Variants in CPNE2 observed in about 807,000 individuals in gnomAD.
CPNE2 encodes copine-2.
A neutral mutation model predicts 69.7 loss-of-function variants in CPNE2; 42 were observed. That is an observed-to-expected ratio of 0.60 (90% CI 0.47 to 0.78). CPNE2 has a LOEUF of 0.78. CPNE2 is among the 30% of genes least tolerant of loss of function. CPNE2 has a pLI of 0.00. For synonymous variants in CPNE2, 294 were observed against 289.8 expected (o/e 1.01, Z -0.15); for missense variants, 587 against 732.0 (o/e 0.80, Z 2.29).
chr16:57,141,362 G>C (rs1012365890), intron 14 of CPNE2: 1 of 152,304 alleles, frequency 6.6e-6, no homozygotes, highest in East Asian at 1.9e-4. Context: ...CTTTTGCTGC[G>C]ACTTGGTCCT....
intron 10 of CPNE2, 78 bp from the exon 11 acceptor site, chr16:57,125,782 C>T: frequency 1.9e-6 from 3 of 1,567,444 alleles, no homozygotes; most frequent in Non-Finnish European, 2.6e-6. Context: ...GTCCCATCTA[C>T]CTCTCCTATT....
rs2069961879 is a variant in CPNE2, at chr16:57,146,804, G to GT, written c.1539+483_1539+484insT. The GT allele has an allele frequency of 6.0e-6, 1 of 167,798 alleles. No individual in the cohort carries two copies. Among genetic ancestry groups the GT allele is most frequent in the Non-Finnish European group, 1.3e-5 (1 of 77,004 alleles). The allele number at this position is 167,798 out of a possible 1,614,324, so 10.4% of individuals were successfully genotyped here. On this transcript the variant is annotated intron_variant, in intron 15 of 15. Coordinates refer to ENST00000290776, the MANE Select transcript of CPNE2 (RefSeq NM_152727.6). The surrounding 1 kb of genome is among the most constrained non-coding windows in gnomAD (Gnocchi z 4.4). Reference sequence around the variant, plus strand: ...GAATGGTGTCCCCAGCCTTGTTCCTGGAAGTGGCTCTGGCTTTATTTGCAG... The same window carrying GT: ...GAATGGTGTCCCCAGCCTTGTTCCTGTGAAGTGGCTCTGGCTTTATTTGCAG...
At chr16:57,113,056 T>G in intron 2 of CPNE2, 1 of 458,742 alleles carries the variant, frequency 2.2e-6, no homozygotes, top group Non-Finnish European at 3.9e-6. Flanking sequence ...CAGACCTCGG[T>G]TTCAAATCTC....
rs533838364 is a variant in CPNE2, at chr16:57,146,001, G to C, written c.1303-84G>C. On this transcript the variant is annotated intron_variant, in intron 14 of 15. Coordinates refer to ENST00000290776, the MANE Select transcript of CPNE2 (RefSeq NM_152727.6). This position sits in a 1 kb window ranked among gnomAD's most constrained non-coding sequence, Gnocchi z 4.4. Reference sequence around the variant, plus strand: ...GATGCACTGCCTTCCTCCAGGACTCGGAGGGTTTGGGATGAAGGAGGGAGG... The same window carrying C: ...GATGCACTGCCTTCCTCCAGGACTCCGAGGGTTTGGGATGAAGGAGGGAGG... 11 of 1,187,854 alleles carry C rather than the reference G, an allele frequency of 9.3e-6. No homozygotes were observed. Among genetic ancestry groups the C allele is most frequent in the Admixed American group, 4.0e-5 (2 of 50,432 alleles). The allele number at this position is 1,187,854 out of a possible 1,614,324, so 73.6% of individuals were successfully genotyped here. A position where few individuals can be genotyped will look rare whatever the true frequency, so the allele number is the denominator to read the frequency against.
intron 5 of CPNE2, 28 bp downstream of exon 5, chr16:57,117,595 T>C (rs751286329): frequency 1.7e-5 from 28 of 1,609,538 alleles, no homozygotes; most frequent in Non-Finnish European, 2.1e-5. Flanking sequence ...AGGGCTCCCA[T>C]TGGGAACAGT....
intron 1 of CPNE2, among the ~76,000 whole-genome samples, chr16:57,097,418 G>A (rs2069584592): frequency 6.6e-6 from 1 of 152,190 alleles, no homozygotes; most frequent in Non-Finnish European, 1.5e-5. Flanking sequence ...GGTGAGGGAA[G>A]CTCTCCTGGA....
chr16:57,093,815 G>A (rs1372636151), intron 1 of CPNE2: 1 of 329,110 alleles, frequency 3.0e-6, no homozygotes, highest in Non-Finnish European at 6.0e-6. Context: ...GGCATCCACA[G>A]CTTCACGGAC....
intron 4 of CPNE2, 142 bp from the exon 5 acceptor site, chr16:57,117,352 CAA>C (rs748875050): frequency 8.3e-6 from 6 of 720,350 alleles, no homozygotes; most frequent in South Asian, 5.5e-5. Flanking sequence ...GTGGGGAAGA[CAA>C]GAGATTTGTC....
At chr16:57,122,801 C>A (rs1567669589) in intron 9 of CPNE2, among the ~76,000 whole-genome samples, 1 of 152,048 alleles carries the variant, frequency 6.6e-6, no homozygotes, top group East Asian at 1.9e-4. Context: ...TTATGTCGAC[C>A]AGGCTGGTCT....
chr16:57,135,280 CA>C (rs57393101), intron 13 of CPNE2, among the ~76,000 whole-genome samples: 48,800 of 151,928 alleles, frequency 0.32, 8,222 homozygotes, highest in South Asian at 0.59. Context: ...GGCGGGGGAT[CA>C]GGGGGAGGCA....
chr16:57,095,311 G>A (rs2069571507), intron 1 of CPNE2, among the ~76,000 whole-genome samples: 1 of 152,212 alleles, frequency 6.6e-6, no homozygotes, highest in African/African-American at 2.4e-5. Context: ...GTCCCACAGT[G>A]CCTGAGGACA....
At chr16:57,145,626 C>A (rs1194577235) in intron 14 of CPNE2, 8 of 210,570 alleles carry the variant, frequency 3.8e-5, no homozygotes, top group Non-Finnish European at 5.8e-5. Flanking sequence ...AGATGAGTCC[C>A]CCTGCGCCAG....
chr16:57,119,608 C>T lies in CPNE2; in HGVS notation c.639C>T (p.Pro213=). The T allele has an allele frequency of 1.9e-6, 3 of 1,613,034 alleles. No homozygotes were observed. The highest frequency in any genetic ancestry group is 1.7e-4 in the Middle Eastern group (1 of 6,054). The change falls in exon 7 of 16, where the codon CCC becomes CCT. Residue 213 remains proline (P), a synonymous_variant. Transcript: ENST00000290776. ...LDPVWKPFTV[P]LVSLCDGDME... is the part of the protein sequence containing the mutation. ...CTGTGTGGAAGCCATTCACAGTGCC[C>T]TTGGTGTCCCTGTGTGATGGGGACA...
intron 9 of CPNE2, 146 bp downstream of exon 9, chr16:57,121,906 A>G: frequency 1.5e-6 from 1 of 686,428 alleles, no homozygotes; most frequent in Non-Finnish European, 2.5e-6. Context: ...TCTGAGCTTC[A>G]CCTCACCAGG....
At chr16:57,114,934 CAAAA>C (rs55845635) in intron 3 of CPNE2, among the ~76,000 whole-genome samples, 1 of 39,070 alleles carries the variant, frequency 2.6e-5, no homozygotes, top group Non-Finnish European at 4.5e-5. Flanking sequence ...TTGTCTCTAC[CAAAA>C]AAAAAAAAAA....
At chr16:57,134,972 A>G (rs2069868071) in intron 13 of CPNE2, 146 bp downstream of exon 13, 2 of 901,274 alleles carry the variant, frequency 2.2e-6, no homozygotes, top group Non-Finnish European at 3.5e-6. Flanking sequence ...GAGGGGGAAG[A>G]GCTGCAGTTT....
chr16:57,117,399 C>T, intron 4 of CPNE2, 97 bp from the exon 5 acceptor site: 2 of 1,269,900 alleles, frequency 1.6e-6, no homozygotes, highest in Admixed American at 2.0e-5. Context: ...CCTTCCCCCT[C>T]CTAGCCCTGG....
intron 8 of CPNE2, 132 bp from the exon 9 acceptor site, chr16:57,121,542 T>A: frequency 2.3e-6 from 2 of 866,048 alleles, no homozygotes; most frequent in Non-Finnish European, 3.8e-6. Context: ...GGTGTGGACA[T>A]CCTGGGAGGC....
At chr16:57,131,979 T>C (rs1597502759) in intron 12 of CPNE2, among the ~76,000 whole-genome samples, 1 of 152,216 alleles carries the variant, frequency 6.6e-6, no homozygotes, top group African/African-American at 2.4e-5. Flanking sequence ...TGTGACTTGT[T>C]TGTGATTGCC....
Sources: allele counts gnomAD v4.1 joint callset (sites outside exome capture counted in the v4.1 genomes callset), GRCh38; gene constraint gnomAD v4.1.1; non-coding constraint Gnocchi (gnomAD v3.1); transcripts MANE v1.5; gene names NCBI Gene and HGNC (gene_info 2026-07-23, HGNC 2026-07-21).